Variants in PLCH1 observed in about 807,000 individuals in gnomAD.
PLCH1 encodes the protein 1-phosphatidylinositol 4,5-bisphosphate phosphodiesterase eta-1.
PLCH1 carries 60 observed loss-of-function variants against 126.7 expected under a neutral mutation model. The observed-to-expected ratio is 0.47, with a 90% CI of 0.38 to 0.59. The LOEUF (loss-of-function observed/expected upper bound fraction) is 0.59. PLCH1 is among the 20% of genes least tolerant of loss of function. PLCH1 has a pLI of 0.00. For synonymous variants in PLCH1, 719 were observed against 734.9 expected (o/e 0.98, Z 0.35); for missense variants, 1,723 against 2,040.0 (o/e 0.84, Z 2.99).
intron 8 of PLCH1, among the ~76,000 whole-genome samples, chr3:155,558,617 C>G (rs1727138521): frequency 6.6e-6 from 1 of 152,158 alleles, no homozygotes; most frequent in Admixed American, 6.5e-5. Context: ...TGGTTTCTCT[C>G]TCAAGATATT....
At chr3:155,508,712 T>C (rs1352413440) in intron 12 of PLCH1, among the ~76,000 whole-genome samples, 7 of 95,322 alleles carry the variant, frequency 7.3e-5, no homozygotes, top group Non-Finnish European at 1.4e-4. Context: ...GCCCACTTGA[T>C]CATGATGGAT....
intron 2 of PLCH1, among the ~76,000 whole-genome samples, chr3:155,615,311 A>G (rs1735660004): frequency 6.6e-6 from 1 of 152,202 alleles, no homozygotes; most frequent in South Asian, 2.1e-4. Context: ...TGTTGTGAAC[A>G]GGGAACAGTT....
At chr3:155,590,309 T>G (rs1237046963) in intron 4 of PLCH1, among the ~76,000 whole-genome samples, 1 of 152,196 alleles carries the variant, frequency 6.6e-6, no homozygotes, top group Admixed American at 6.5e-5. Context: ...CCAGGTGCGG[T>G]GGCTCACGCC....
chr3:155,704,109 A>G, intron 2 of PLCH1, 37 bp downstream of exon 2: 1 of 944,188 alleles, frequency 1.1e-6, no homozygotes, highest in Non-Finnish European at 1.4e-6. Context: ...GAAACAAAAT[A>G]AAAGATCCAA....
chr3:155,632,723 T>C (rs1738197964), intron 2 of PLCH1, among the ~76,000 whole-genome samples: 2 of 152,234 alleles, frequency 1.3e-5, no homozygotes, highest in Admixed American at 1.3e-4. Flanking sequence ...TCCTGATTTA[T>C]GGAAATCTTT....
chr3:155,620,393 T>C (rs185706872), intron 2 of PLCH1, among the ~76,000 whole-genome samples: 1 of 152,318 alleles, frequency 6.6e-6, no homozygotes, highest in Non-Finnish European at 1.5e-5. Flanking sequence ...AGGCTGAGAT[T>C]ACCCTATGAT....
intron 2 of PLCH1, among the ~76,000 whole-genome samples, chr3:155,664,148 C>A (rs1742476440): frequency 1.3e-5 from 2 of 152,202 alleles, no homozygotes; most frequent in African/African-American, 4.8e-5. Flanking sequence ...CTGGCAAAGG[C>A]AGCATAGTAG....
At chr3:155,731,895 A>T (rs1466785769) in intron 1 of PLCH1, among the ~76,000 whole-genome samples, 1 of 150,950 alleles carries the variant, frequency 6.6e-6, no homozygotes, top group Non-Finnish European at 1.5e-5. Context: ...AGGTGGCAGG[A>T]TCACTTGATC....
intron 2 of PLCH1, among the ~76,000 whole-genome samples, chr3:155,609,655 A>C (rs553796049): frequency 1.3e-5 from 2 of 152,214 alleles, no homozygotes; most frequent in South Asian, 4.1e-4. Context: ...ATAATAAAGG[A>C]TATGAATGAA....
At chr3:155,657,006 T>C (rs1446310277) in intron 2 of PLCH1, among the ~76,000 whole-genome samples, 1 of 138,692 alleles carries the variant, frequency 7.2e-6, no homozygotes, top group African/African-American at 2.7e-5. Context: ...AGCTAGAAAA[T>C]ATAATGGGAG....
intron 20 of PLCH1, 87 bp from the exon 21 acceptor site, chr3:155,488,194 G>T: frequency 1.4e-6 from 1 of 731,436 alleles, no homozygotes. Flanking sequence ...TATCTGACTT[G>T]ACTGTAGTTC....
At chr3:155,536,548 A>G (rs949793952) in intron 10 of PLCH1, among the ~76,000 whole-genome samples, 1 of 152,222 alleles carries the variant, frequency 6.6e-6, no homozygotes, top group African/African-American at 2.4e-5. Flanking sequence ...AGTTTCAACA[A>G]AAGAATCAAA....
At chr3:155,731,174 G>A (rs535301300) in intron 1 of PLCH1, among the ~76,000 whole-genome samples, 2 of 152,326 alleles carry the variant, frequency 1.3e-5, no homozygotes, top group East Asian at 1.9e-4. Flanking sequence ...TGCAGACTTA[G>A]GCTCTAGGCC....
chr3:155,594,758 G>A, intron 3 of PLCH1, among the ~76,000 whole-genome samples: 1 of 151,546 alleles, frequency 6.6e-6, no homozygotes, highest in Non-Finnish European at 1.5e-5. Context: ...GAAATTTGTA[G>A]TAAAAAAAAA....
intron 6 of PLCH1, among the ~76,000 whole-genome samples, chr3:155,574,116 T>C (rs1048343957): frequency 5.3e-5 from 8 of 152,142 alleles, no homozygotes; most frequent in African/African-American, 1.2e-4. Flanking sequence ...GGTTTCACCA[T>C]ATTGGCCAGG....
At chr3:155,732,964 T>C (rs1748884761) in intron 1 of PLCH1, among the ~76,000 whole-genome samples, 1 of 150,344 alleles carries the variant, frequency 6.7e-6, no homozygotes, top group Non-Finnish European at 1.5e-5. Context: ...AATAATCCCA[T>C]TTACAATAGC....
chr3:155,646,338 C>G (rs776366149), intron 2 of PLCH1, among the ~76,000 whole-genome samples: 1 of 152,228 alleles, frequency 6.6e-6, no homozygotes. Flanking sequence ...TTCGCCCCCT[C>G]TGTCCTCACT....
chr3:155,548,965 A>G (rs921045341), intron 10 of PLCH1, among the ~76,000 whole-genome samples: 3 of 152,000 alleles, frequency 2.0e-5, no homozygotes, highest in African/African-American at 4.8e-5. Context: ...CTCCTCCTAT[A>G]TATTTGTTTT....
In PLCH1 at chr3:155,549,915, G is replaced by A. The variant is rs1488538761; in HGVS notation, c.1234C>T (p.Gln412Ter). ...AGGTACTGAGCAATCTTCCTTTGCT[G>A]CTGGATACTGCAGTGATTCTCGATA... is the stretch of plus-strand genomic sequence containing the variant. ...LSIENHCSIQ[Q>*]QRKIAQYLKG... Residue 412 changes from glutamine to a stop codon, truncating the protein, a stop_gained, in exon 10 of 23, where the codon CAG becomes TAG. Transcript: ENST00000460012. LOFTEE classifies it high-confidence loss of function. The A allele has an allele frequency of 6.8e-6, 11 of 1,613,564 alleles. No homozygotes were observed. Among genetic ancestry groups the A allele is most frequent in the Non-Finnish European group, 8.5e-6 (10 of 1,179,668 alleles).
Sources: gnomAD v4.1 joint callset for allele counts (sites outside exome capture counted in the v4.1 genomes callset) on GRCh38, gnomAD v4.1.1 for gene constraint, MANE v1.5 for transcripts, NCBI Gene and HGNC (gene_info 2026-07-23, HGNC 2026-07-21) for gene names.